C12orf42: variants seen among roughly 807,000 people sequenced by gnomAD.
C12orf42 encodes chromosome 12 open reading frame 42, also known as uncharacterized protein C12orf42.
In C12orf42, 25 loss-of-function variants were observed where a neutral mutation model predicts 21.6. That is an observed-to-expected ratio of 1.16 (90% CI 0.84 to 1.62). The LOEUF is 1.62. Ranked by LOEUF, C12orf42 falls within the 40% of genes most tolerant of loss-of-function variation. The probability of loss-of-function intolerance (pLI) is 0.00; values close to 1 mark genes in which losing one functional copy is unlikely to be tolerated. For missense variants in C12orf42, 483 were observed against 459.3 expected (o/e 1.05, Z -0.47); for synonymous variants, 174 against 175.0 (o/e 0.99, Z 0.05).
chr12:103,171,628 G>A, the C12orf42 span, among the ~76,000 whole-genome samples: 1 of 152,054 alleles, frequency 6.6e-6, no homozygotes, highest in Non-Finnish European at 1.5e-5. Flanking sequence ...ATATAAGTAA[G>A]TGTTAGAGAA....
the C12orf42 span, among the ~76,000 whole-genome samples, chr12:103,053,788 TTAGA>T: frequency 6.6e-6 from 1 of 151,952 alleles, no homozygotes; most frequent in Non-Finnish European, 1.5e-5. Context: ...GATGTGAGAC[TTAGA>T]TTGATTTTTA....
chr12:103,466,830 G>T (rs1352349834), intron 2 of C12orf42, among the ~76,000 whole-genome samples: 2 of 152,208 alleles, frequency 1.3e-5, no homozygotes, highest in African/African-American at 4.8e-5. Flanking sequence ...TCAAGGGGAG[G>T]CACTATTGGA....
chr12:103,531,073 G>A, the C12orf42 span, among the ~76,000 whole-genome samples: 1 of 152,140 alleles, frequency 6.6e-6, no homozygotes, highest in East Asian at 1.9e-4. Flanking sequence ...GAAAAGGGGG[G>A]AAACATCACT....
chr12:103,332,305 T>C lies in C12orf42; in HGVS notation c.260-25960A>G, dbSNP rs1268069982. Among the ~76,000 whole-genome samples the C allele has an allele frequency of 5.3e-5, 8 of 152,182 alleles. No homozygotes were observed. The South Asian group carries it at 1.7e-3, about 32-fold the overall frequency. ...CAAGTTCATAAAGTAAGTGGTATCC[T>C]GTCCAGCACACTCACCATGTAAATT... On this transcript the variant is annotated intron_variant, in intron 4 of 5. Coordinates refer to ENST00000548883, the MANE Select transcript of C12orf42 (RefSeq NM_198521.5).
the C12orf42 span, among the ~76,000 whole-genome samples, chr12:103,157,985 C>G: frequency 2.0e-5 from 3 of 152,136 alleles, no homozygotes; most frequent in Non-Finnish European, 4.4e-5. Flanking sequence ...TACTCTCTCA[C>G]AAAGAAATAT....
At chr12:103,101,070 A>C in the C12orf42 span, among the ~76,000 whole-genome samples, 1 of 152,346 alleles carries the variant, frequency 6.6e-6, no homozygotes. Context: ...TAAACTCGGG[A>C]GCCTCCATTT....
the C12orf42 span, chr12:103,164,292 G>A: frequency 2.5e-6 from 1 of 397,476 alleles, no homozygotes; most frequent in Non-Finnish European, 5.0e-6. Flanking sequence ...ACTTTCAGTA[G>A]TCACTTCTTG....
chr12:103,434,491 G>C (rs1048260271), intron 2 of C12orf42, among the ~76,000 whole-genome samples: 1 of 152,162 alleles, frequency 6.6e-6, no homozygotes, highest in Non-Finnish European at 1.5e-5. Flanking sequence ...TTGAGGTACC[G>C]GGTTCATCTC....
At chr12:103,294,471 AAAT>A (rs71443507) in intron 4 of C12orf42, among the ~76,000 whole-genome samples, 4 of 125,462 alleles carry the variant, frequency 3.2e-5, no homozygotes, top group South Asian at 2.7e-4. Flanking sequence ...AGAAAGAAAG[AAAT>A]AAGCAAGCAA....
chr12:103,358,254 C>T (rs1202864270), intron 4 of C12orf42, among the ~76,000 whole-genome samples: 1 of 152,106 alleles, frequency 6.6e-6, no homozygotes. Context: ...ATAAACTCCA[C>T]CTCTTAATGG....
chr12:103,458,882 C>T (rs1952492955), intron 2 of C12orf42, among the ~76,000 whole-genome samples: 1 of 151,596 alleles, frequency 6.6e-6, no homozygotes, highest in Non-Finnish European at 1.5e-5. Context: ...AACAGAAAGA[C>T]TAGAATAACA....
intron 2 of C12orf42, among the ~76,000 whole-genome samples, chr12:103,446,201 T>C (rs1951564487): frequency 6.6e-6 from 1 of 151,880 alleles, no homozygotes; most frequent in Admixed American, 6.6e-5. Context: ...GGGATTGGGG[T>C]CCTATTTTTA....
chr12:103,313,104 C>G (rs191146257), intron 4 of C12orf42, among the ~76,000 whole-genome samples: 14 of 152,252 alleles, frequency 9.2e-5, no homozygotes, highest in Non-Finnish European at 1.9e-4. Context: ...AAACTAGAGG[C>G]AATTGTCCTA....
At chr12:103,177,987 A>G in the C12orf42 span, 2 of 152,182 alleles carry the variant, frequency 1.3e-5, no homozygotes, top group African/African-American at 4.8e-5. Context: ...CTAAAGTTAC[A>G]TTTGATGTTT....
intron 4 of C12orf42, among the ~76,000 whole-genome samples, chr12:103,351,057 A>G (rs1473338204): frequency 6.6e-6 from 1 of 152,066 alleles, no homozygotes; most frequent in Non-Finnish European, 1.5e-5. Context: ...TTGTTTGTAT[A>G]TTTTAATGGT....
intron 2 of C12orf42, among the ~76,000 whole-genome samples, chr12:103,423,698 A>G (rs2139172758): frequency 6.6e-6 from 1 of 152,330 alleles, no homozygotes; most frequent in East Asian, 1.9e-4. Context: ...TTCTATGAGG[A>G]ATGACGACAG....
the C12orf42 span, among the ~76,000 whole-genome samples, chr12:103,219,834 A>G: frequency 6.6e-6 from 1 of 152,232 alleles, no homozygotes; most frequent in East Asian, 1.9e-4. Flanking sequence ...TAGTTCAACC[A>G]TTATAGAAGA....
the C12orf42 span, chr12:103,559,936 C>T: frequency 6.6e-6 from 1 of 152,150 alleles, no homozygotes; most frequent in Non-Finnish European, 1.5e-5. Flanking sequence ...TGTTTAATTA[C>T]TTGTATGACA....
intron 3 of C12orf42, among the ~76,000 whole-genome samples, chr12:103,391,239 C>T (rs1168472925): frequency 6.6e-6 from 1 of 152,022 alleles, no homozygotes; most frequent in Non-Finnish European, 1.5e-5. Flanking sequence ...AATAATGCTG[C>T]TATGAACACT....
Sources: gnomAD v4.1 joint callset for allele counts (sites outside exome capture counted in the v4.1 genomes callset) on GRCh38, gnomAD v4.1.1 for gene constraint, MANE v1.5 for transcripts, NCBI Gene and HGNC (gene_info 2026-07-23, HGNC 2026-07-21) for gene names.